IL22RA1: variants seen among roughly 807,000 people sequenced by gnomAD.
IL22RA1 encodes the protein interleukin-22 receptor subunit alpha-1.
In IL22RA1, 25 loss-of-function variants were observed where a neutral mutation model predicts 32.8. The ratio of observed to expected loss-of-function variants is 0.76; its 90% CI spans 0.55 to 1.06. The LOEUF is 1.06. Among genes scored for constraint, IL22RA1 ranks in the 50% least tolerant of loss-of-function variants. IL22RA1 has a pLI of 0.00. For missense variants in IL22RA1, 709 were observed against 727.4 expected (o/e 0.97, Z 0.29); for synonymous variants, 305 against 305.0 (o/e 1.00, Z 0.00).
At chr1:24,142,837 C>T (rs1644290962) in intron 1 of IL22RA1, among the ~76,000 whole-genome samples, 1 of 152,226 alleles carries the variant, frequency 6.6e-6, no homozygotes, top group African/African-American at 2.4e-5. Flanking sequence ...TGGAAGAACC[C>T]AGGGTCTGAG....
At chr1:24,128,522 G>T (rs1644180792) in intron 4 of IL22RA1, among the ~76,000 whole-genome samples, 1 of 97,278 alleles carries the variant, frequency 1.0e-5, no homozygotes, top group African/African-American at 3.0e-5. Context: ...ATATAATGTG[G>T]TTATATACAT....
At chr1:24,123,258 C>T (rs747090002) in intron 6 of IL22RA1, 44 bp downstream of exon 6, 6 of 1,588,744 alleles carry the variant, frequency 3.8e-6, no homozygotes, top group Non-Finnish European at 4.3e-6. Context: ...GGAGCCCAGG[C>T]CCTCCCCTGG....
intron 1 of IL22RA1, among the ~76,000 whole-genome samples, chr1:24,141,134 T>G (rs1003760314): frequency 5.9e-5 from 9 of 152,188 alleles, no homozygotes; most frequent in African/African-American, 2.2e-4. Flanking sequence ...GTCCCCAGAA[T>G]GGGGCCTTAG....
At chr1:24,126,227 C>T (rs909775159) in intron 5 of IL22RA1, among the ~76,000 whole-genome samples, 2 of 152,244 alleles carry the variant, frequency 1.3e-5, no homozygotes, top group Non-Finnish European at 2.9e-5. Context: ...CAGCCTTTGC[C>T]CCAGGAAGGG....
At chr1:24,125,881 T>A (rs113697216) in intron 5 of IL22RA1, among the ~76,000 whole-genome samples, 78 of 152,376 alleles carry the variant, frequency 5.1e-4, no homozygotes, top group African/African-American at 1.8e-3. Flanking sequence ...GTTTTAAATA[T>A]ATTTTTAAGG....
At chr1:24,128,598 CCA>C (rs1344825498) in intron 4 of IL22RA1, among the ~76,000 whole-genome samples, 1 of 151,920 alleles carries the variant, frequency 6.6e-6, no homozygotes, top group Non-Finnish European at 1.5e-5. Flanking sequence ...ATGACCTCCA[CCA>C]CCCTCCCACG....
At position 24,120,517 on chromosome 1, in the gene IL22RA1, T is replaced by C; in HGVS notation, c.*288A>G. On this transcript the variant is annotated 3_prime_UTR_variant, in exon 7 of 7. Coordinates refer to ENST00000270800, the MANE Select transcript of IL22RA1 (RefSeq NM_021258.4). Reference sequence around the variant, plus strand: ...CTGGACCTCGGGAGTTTCCCTGCATTTCCTCCTTGCACTGTCATTTCTGCC... The same window carrying C: ...CTGGACCTCGGGAGTTTCCCTGCATCTCCTCCTTGCACTGTCATTTCTGCC... The C allele has an allele frequency of 2.8e-6, 1 of 355,954 alleles. No homozygotes were observed. The highest frequency in any genetic ancestry group is 5.1e-6 in the Non-Finnish European group (1 of 197,072). The allele number at this position is 355,954 out of a possible 1,614,324, so 22.0% of individuals were successfully genotyped here. A position where few individuals can be genotyped will look rare whatever the true frequency, so the allele number is the denominator to read the frequency against.
intron 1 of IL22RA1, among the ~76,000 whole-genome samples, chr1:24,141,071 T>C (rs534664964): frequency 3.3e-5 from 5 of 152,292 alleles, no homozygotes; most frequent in South Asian, 2.1e-4. Context: ...TGCCCTCCTC[T>C]CTGAATTTGG....
intron 2 of IL22RA1, 31 bp from the exon 3 acceptor site, chr1:24,137,340 G>T: frequency 6.2e-7 from 1 of 1,605,272 alleles, no homozygotes; most frequent in Non-Finnish European, 8.5e-7. Flanking sequence ...AAGTCACCGT[G>T]GTGATGAAAA....
rs540070550 is a variant in IL22RA1 at position 24,123,240 on chromosome 1, G to A, written c.792+62C>T. The A allele has an allele frequency of 9.3e-4, 1,448 of 1,558,294 alleles. 3 individuals carry two copies. The highest frequency in any genetic ancestry group is 1.8e-3 in the South Asian group (144 of 81,588). ...GATCCCTGCATTTTGGGGACAACTGGGGACCTCGGAGCCCAGGCCCTCCCC... is the reference window on the plus strand; with the variant it reads ...GATCCCTGCATTTTGGGGACAACTGAGGACCTCGGAGCCCAGGCCCTCCCC... On this transcript the variant is annotated intron_variant, in intron 6 of 6. Coordinates refer to ENST00000270800, the MANE Select transcript of IL22RA1 (RefSeq NM_021258.4).
intron 4 of IL22RA1, among the ~76,000 whole-genome samples, chr1:24,129,425 G>A (rs1200039002): frequency 6.6e-6 from 1 of 152,228 alleles, no homozygotes; most frequent in Non-Finnish European, 1.5e-5. Flanking sequence ...GTCCGAACAT[G>A]CTGCCCTCCT....
chr1:24,119,837 T>C lies in IL22RA1; in HGVS notation c.*968A>G, dbSNP rs1644107084. The C allele has an allele frequency of 6.6e-6, 1 of 152,252 alleles. No homozygotes were observed. The highest frequency in any genetic ancestry group is 2.4e-5 in the African/African-American group (1 of 41,456). 9.4% of individuals were successfully genotyped at this position (152,252 alleles called of 1,614,324 possible). The stretch of plus-strand genomic sequence containing the variant: ...CTATTAAGCACTTTAAAGACATGAC[T>C]TCATTTCATCTTCACCACAACTCCA... On this transcript the variant is annotated 3_prime_UTR_variant, in exon 7 of 7. Coordinates refer to ENST00000270800, the MANE Select transcript of IL22RA1 (RefSeq NM_021258.4).
rs150341563 is a variant in IL22RA1, at chr1:24,131,935, A to T, written c.531+2276T>A. On this transcript the variant is annotated intron_variant, in intron 4 of 6. Coordinates refer to ENST00000270800, the MANE Select transcript of IL22RA1 (RefSeq NM_021258.4). ...GCGTGTGTTCTCTGACCACAAATTG[A>T]ATTAAATTAGAAATCAACAATAAAA... Among the ~76,000 whole-genome samples, 409 of 152,350 alleles carry T rather than the reference A, an allele frequency of 2.7e-3. 1 individual carries two copies. Among genetic ancestry groups the T allele is most frequent in the African/African-American group, 9.5e-3 (395 of 41,580 alleles).
chr1:24,134,778 A>T (rs916730455), intron 3 of IL22RA1: 19 of 889,704 alleles, frequency 2.1e-5, no homozygotes, highest in Non-Finnish European at 2.4e-5. Flanking sequence ...TCAACTACAC[A>T]TCCTAAATAA....
At chr1:24,135,275 A>G (rs1251167278) in intron 3 of IL22RA1, among the ~76,000 whole-genome samples, 1 of 152,202 alleles carries the variant, frequency 6.6e-6, no homozygotes, top group Non-Finnish European at 1.5e-5. Flanking sequence ...CAAAAAAGCA[A>G]TGCCAGATTG....
At chr1:24,137,845 A>G (rs1163792652) in intron 2 of IL22RA1, among the ~76,000 whole-genome samples, 1 of 152,214 alleles carries the variant, frequency 6.6e-6, no homozygotes, top group Admixed American at 6.5e-5. Context: ...AACAAAGAAG[A>G]TGAGGCTCAA....
At chr1:24,128,066 G>T in intron 5 of IL22RA1, 75 bp downstream of exon 5, 1 of 1,420,804 alleles carries the variant, frequency 7.0e-7, no homozygotes, top group South Asian at 1.5e-5. Flanking sequence ...TCTCACCTTG[G>T]TTACAGGGAG....
intron 3 of IL22RA1, chr1:24,134,768 T>G: frequency 1.2e-6 from 1 of 832,818 alleles, no homozygotes; most frequent in Non-Finnish European, 1.4e-6. Flanking sequence ...GTCAATGACA[T>G]CAACTACACA....
chr1:24,123,628 T>G, intron 5 of IL22RA1: 1 of 1,169,336 alleles, frequency 8.6e-7, no homozygotes, highest in Non-Finnish European at 1.1e-6. Flanking sequence ...ATTTTTACAC[T>G]GTTAAATAAA....
Sources: gnomAD v4.1 joint callset for allele counts (sites outside exome capture counted in the v4.1 genomes callset) on GRCh38, gnomAD v4.1.1 for gene constraint, MANE v1.5 for transcripts, NCBI Gene and HGNC (gene_info 2026-07-23, HGNC 2026-07-21) for gene names.